Variants in RGSL1 observed in about 807,000 individuals in gnomAD.
RGSL1 encodes regulator of G protein signaling protein-like.
RGSL1 carries 97 observed loss-of-function variants against 124.7 expected under a neutral mutation model. The ratio of observed to expected loss-of-function variants is 0.78; its 90% CI spans 0.66 to 0.92. RGSL1 has a LOEUF of 0.92. RGSL1 is among the 40% of genes least tolerant of loss of function. RGSL1 has a pLI of 0.00. For missense variants in RGSL1, 1,233 were observed against 1,288.4 expected (o/e 0.96, Z 0.66); for synonymous variants, 424 against 438.1 (o/e 0.97, Z 0.40).
intron 2 of RGSL1, among the ~76,000 whole-genome samples, chr1:182,456,534 A>G (rs1035282272): frequency 6.6e-6 from 1 of 152,112 alleles, no homozygotes; most frequent in Admixed American, 6.6e-5. Context: ...CAGACCTCAG[A>G]TGATCCGCCT....
At chr1:182,539,346 T>C (rs1198657539) in intron 14 of RGSL1, among the ~76,000 whole-genome samples, 3 of 152,184 alleles carry the variant, frequency 2.0e-5, no homozygotes, top group Non-Finnish European at 4.4e-5. Flanking sequence ...TTACGTCTTA[T>C]TCAGTATGGT....
chr1:182,506,541 G>T (rs1400858326), intron 9 of RGSL1, among the ~76,000 whole-genome samples: 2 of 151,984 alleles, frequency 1.3e-5, no homozygotes, highest in Non-Finnish European at 2.9e-5. Flanking sequence ...CATTTTGATA[G>T]TCATTACCTT....
intron 15 of RGSL1, among the ~76,000 whole-genome samples, chr1:182,543,510 C>G (rs1660021672): frequency 6.6e-6 from 1 of 151,918 alleles, no homozygotes; most frequent in African/African-American, 2.4e-5. Context: ...CTGTAGTTTT[C>G]TTTTTTTGCT....
rs188611519 is a variant in RGSL1, at chr1:182,489,920, A to G, written c.1717+718A>G. On this transcript the variant is annotated intron_variant, in intron 8 of 21. Transcript: ENST00000294854. ...TTAGTCATTATTATTCAAATTGAGC[A>G]TAGTGCTTTAATTATCTATGTTGAG... 5.0e-3 allele frequency among the ~76,000 whole-genome samples: 761 copies of G among 152,344 alleles called. 2 individuals carry two copies. Among genetic ancestry groups the G allele is most frequent in the Middle Eastern group, 0.037 (11 of 294 alleles).
At chr1:182,465,024 C>T (rs1653168134) in intron 4 of RGSL1, among the ~76,000 whole-genome samples, 1 of 148,446 alleles carries the variant, frequency 6.7e-6, no homozygotes, top group African/African-American at 2.6e-5. Context: ...TGTAATGAGG[C>T]ATTTGATATG....
intron 15 of RGSL1, among the ~76,000 whole-genome samples, chr1:182,540,972 A>G (rs1659855840): frequency 6.6e-6 from 1 of 152,224 alleles, no homozygotes; most frequent in South Asian, 2.1e-4. Flanking sequence ...TTTAATTGAT[A>G]CATAATAGAT....
chr1:182,458,382 C>T lies in RGSL1; in HGVS notation c.160C>T (p.Pro54Ser), dbSNP rs1652525055. The T allele has an allele frequency of 1.7e-5, 26 of 1,551,644 alleles. No homozygotes were observed. Among genetic ancestry groups the T allele is most frequent in the Non-Finnish European group, 2.2e-5 (25 of 1,146,812 alleles). The change falls in exon 3 of 22, where the codon CCT becomes TCT. Residue 54 changes from proline to serine, a missense_variant. Transcript: ENST00000294854. ...ACAGTGGAGCTTGTGGCCAGAAATA[C>T]CTTGTAACTTGGTGAGTAAAATTCT... ...NSQWSLWPEI[P>S]CNLIAKYKGL...
At chr1:182,544,623 C>T (rs1039865602) in intron 15 of RGSL1, among the ~76,000 whole-genome samples, 2 of 151,874 alleles carry the variant, frequency 1.3e-5, no homozygotes, top group African/African-American at 4.8e-5. Context: ...GTATTGCAAC[C>T]TTTTTCTCCC....
intron 9 of RGSL1, among the ~76,000 whole-genome samples, chr1:182,503,623 G>A (rs1418295358): frequency 6.6e-6 from 1 of 151,922 alleles, no homozygotes; most frequent in Non-Finnish European, 1.5e-5. Context: ...GTAGGGTGGT[G>A]AGGGGGAGTT....
intron 8 of RGSL1, among the ~76,000 whole-genome samples, chr1:182,489,421 T>C (rs572402667): frequency 1.3e-5 from 2 of 152,270 alleles, no homozygotes; most frequent in South Asian, 4.1e-4. Flanking sequence ...AGGATTTGAA[T>C]CCAGACAGAC....
chr1:182,516,516 C>T (rs948505516), intron 9 of RGSL1, among the ~76,000 whole-genome samples: 1 of 152,110 alleles, frequency 6.6e-6, no homozygotes, highest in African/African-American at 2.4e-5. Context: ...TTTATAACTC[C>T]TTTCTTTTTT....
intron 15 of RGSL1, among the ~76,000 whole-genome samples, chr1:182,543,778 C>G (rs981411294): frequency 6.6e-6 from 1 of 151,858 alleles, no homozygotes; most frequent in African/African-American, 2.4e-5. Context: ...TTTATGCGTC[C>G]AAGAATTTAT....
At chr1:182,463,956 A>G (rs1490548406) in intron 4 of RGSL1, among the ~76,000 whole-genome samples, 1 of 152,224 alleles carries the variant, frequency 6.6e-6, no homozygotes, top group Non-Finnish European at 1.5e-5. Flanking sequence ...GATAGATTAT[A>G]TATTAGGCCA....
At chr1:182,449,936 G>A (rs879281243), upstream of RGSL1, among the ~76,000 whole-genome samples, 2 of 152,176 alleles carry the variant, frequency 1.3e-5, no homozygotes, top group Non-Finnish European at 2.9e-5. Context: ...ATGAACTAAA[G>A]GCTTAAGTAT....
intron 7 of RGSL1, 195 bp downstream of exon 7, chr1:182,488,542 T>C: frequency 1.8e-6 from 1 of 570,610 alleles, no homozygotes; most frequent in Non-Finnish European, 3.0e-6. Flanking sequence ...AAGATGACTT[T>C]GGTGAAACCC....
At chr1:182,533,365 CT>C (rs1659324028) in intron 14 of RGSL1, among the ~76,000 whole-genome samples, 1 of 149,836 alleles carries the variant, frequency 6.7e-6, no homozygotes, top group Non-Finnish European at 1.5e-5. Context: ...ATATATCTGC[CT>C]TGTTTTTGAC....
intron 15 of RGSL1, among the ~76,000 whole-genome samples, chr1:182,542,426 T>C (rs980356296): frequency 6.6e-6 from 1 of 152,210 alleles, no homozygotes; most frequent in East Asian, 1.9e-4. Context: ...GGTCTATGTG[T>C]CTGTTTTTAT....
intron 9 of RGSL1, among the ~76,000 whole-genome samples, chr1:182,506,187 C>A (rs1656793546): frequency 6.6e-6 from 1 of 152,092 alleles, no homozygotes; most frequent in Non-Finnish European, 1.5e-5. Context: ...TTTGACATTT[C>A]AAATATGTTG....
intron 2 of RGSL1, 95 bp from the exon 3 acceptor site, chr1:182,458,224 T>C (rs1307328935): frequency 4.7e-6 from 4 of 858,052 alleles, no homozygotes; most frequent in Non-Finnish European, 7.3e-6. Context: ...AAAAGAGCCA[T>C]GGAACCTCCC....
Sources: allele counts gnomAD v4.1 joint callset (sites outside exome capture counted in the v4.1 genomes callset), GRCh38; gene constraint gnomAD v4.1.1; transcripts MANE v1.5; gene names NCBI Gene and HGNC (gene_info 2026-07-23, HGNC 2026-07-21).